The following WDR3 variants were observed in gnomAD, a reference collection of about 807,000 sequenced individuals.
WDR3 encodes WD repeat-containing protein 3.
In WDR3, 81 loss-of-function variants were observed where a neutral mutation model predicts 123.7. The ratio of observed to expected loss-of-function variants is 0.65; its 90% confidence interval spans 0.55 to 0.79. The LOEUF (loss-of-function observed/expected upper bound fraction) is 0.79, where lower values mean the gene tolerates loss of function less well. Among genes scored for constraint, WDR3 ranks in the 30% least tolerant of loss-of-function variants. The pLI, the probability that WDR3 is intolerant of heterozygous loss-of-function variation, is 0.00. For missense variants in WDR3, 1,027 were observed against 1,123.2 expected, an observed-to-expected ratio of 0.91 and a Z score of 1.22; for synonymous variants, 390 against 388.8, an observed-to-expected ratio of 1.00 and a Z score of -0.04.
rs781395374 is a variant in WDR3, at chr1:117,941,124, C to T, written c.790C>T (p.Arg264Ter). 14 of 1,613,886 alleles carry T rather than the reference C, an allele frequency of 8.7e-6. No individual in the cohort carries two copies. Among genetic ancestry groups the T allele is most frequent in the Non-Finnish European group, 1.2e-5 (14 of 1,179,978 alleles). ...AFETDEAPED[R>*]ILSCRKAGSI... is the part of the protein sequence containing the mutation. ...TCATCTGCTCTTGCTTCTTCTGTAG[C>T]GAATCCTTTCATGCAGAAAAGCTGG... The change falls in exon 8 of 27, where the codon CGA becomes TGA. Residue 264 changes from arginine to a stop codon, truncating the protein, a stop_gained and splice_region_variant. Coordinates refer to ENST00000349139, the MANE Select transcript of WDR3 (RefSeq NM_006784.3). LOFTEE classifies it high-confidence loss of function.
chr1:117,941,125 G>T lies in WDR3; in HGVS notation c.791G>T (p.Arg264Leu). Reference protein sequence around the residue: ...AFETDEAPEDRILSCRKAGSI... With the variant: ...AFETDEAPEDLILSCRKAGSI... Reference sequence around the variant, plus strand: ...CATCTGCTCTTGCTTCTTCTGTAGCGAATCCTTTCATGCAGAAAAGCTGGT... The same window carrying T: ...CATCTGCTCTTGCTTCTTCTGTAGCTAATCCTTTCATGCAGAAAAGCTGGT... The change falls in exon 8 of 27, where the codon CGA becomes CTA. Residue 264 changes from arginine (R) to leucine (L), a missense_variant and splice_region_variant. By Grantham distance (102) the Arg-to-Leu change is moderately radical (BLOSUM62 -2). Transcript: ENST00000349139. The T allele has an allele frequency of 6.2e-7, 1 of 1,613,998 alleles. No individual in the cohort carries two copies. The highest frequency in any genetic ancestry group is 1.1e-5 in the South Asian group (1 of 91,042).
chr1:117,960,134 GTGTGTGTGTGTGTA>G lies in WDR3; in HGVS notation c.*693_*706del, dbSNP rs949916307. On this transcript the variant is annotated 3_prime_UTR_variant, in exon 27 of 27. Transcript: ENST00000349139. ...CGTGTGTGTGTGTGTGTGTGTGTGT[GTGTGTGTGTGTGTA>G]TGTGTATGTGTATGTACACATACAT... The G allele has an allele frequency of 6.0e-5, 9 of 149,518 alleles. No homozygotes were observed. The highest frequency in any genetic ancestry group is 1.5e-4 in the African/African-American group (6 of 39,180). 9.3% of individuals were successfully genotyped at this position (149,518 alleles called of 1,614,324 possible).
At chr1:117,933,596 C>G (rs769879885) in intron 2 of WDR3, 106 bp downstream of exon 2, 5 of 1,457,322 alleles carry the variant, frequency 3.4e-6, no homozygotes, top group African/African-American at 1.5e-5. Flanking sequence ...TTTTTTGTGT[C>G]TGTGCCCTTA....
Position 117,940,892 on chromosome 1 carries a change from T to A in WDR3, c.741T>A (p.Thr247=), listed in dbSNP as rs1280975091. The stretch of plus-strand genomic sequence containing the variant: ...GATCTTCTCCTGGAATACAAGATAC[T>A]CTTGAGGCAGAGGATGGTGCCTTTG... ...IKGSSPGIQD[T]LEAEDGAFET... is the part of the protein sequence containing the mutation. The change falls in exon 7 of 27, where the codon ACT becomes ACA. Residue 247 remains threonine, a synonymous_variant. Transcript: ENST00000349139. 2 of 1,614,050 alleles carry A rather than the reference T, an allele frequency of 1.2e-6. No individual in the cohort carries two copies. The highest frequency in any genetic ancestry group is 2.2e-5 in the South Asian group (2 of 91,032).
At chr1:117,934,769 TA>T (rs1306076966) in intron 3 of WDR3, 87 bp downstream of exon 3, 1 of 1,359,230 alleles carries the variant, frequency 7.4e-7, no homozygotes, top group East Asian at 2.4e-5. Context: ...AATTGTCAGG[TA>T]AAACAATGGG....
intron 26 of WDR3, 42 bp from the exon 27 acceptor site, chr1:117,959,250 A>G: frequency 4.4e-6 from 7 of 1,591,374 alleles, no homozygotes; most frequent in Non-Finnish European, 5.1e-6. Flanking sequence ...AATGAATTGA[A>G]GTGGGAGAAA....
At chr1:117,933,636 C>A in intron 2 of WDR3, 146 bp downstream of exon 2, 3 of 1,011,930 alleles carry the variant, frequency 3.0e-6, no homozygotes, top group Non-Finnish European at 4.5e-6. Context: ...TTAGGTCTAG[C>A]TAGCCAAGCA....
intron 3 of WDR3, among the ~76,000 whole-genome samples, chr1:117,935,901 C>T (rs1282071914): frequency 6.6e-6 from 1 of 151,816 alleles, no homozygotes; most frequent in Non-Finnish European, 1.5e-5. Context: ...TAGTATCATT[C>T]ATCTATTAAT....
At position 117,929,777 on chromosome 1, in the gene WDR3, G is replaced by C. The variant is rs1315352045; in HGVS notation, c.-38G>C. The C allele has an allele frequency of 6.6e-6, 1 of 152,454 alleles. No individual in the cohort carries two copies. Among genetic ancestry groups the C allele is most frequent in the African/African-American group, 2.4e-5 (1 of 41,472 alleles). 9.4% of individuals were successfully genotyped at this position (152,454 alleles called of 1,614,324 possible). ...CCAATCGGCTGGGAGCCTCGTGGAG[G>C]CTGAGGTGAGTCCTGGAGGTGCGTG... On this transcript the variant is annotated 5_prime_UTR_variant, in exon 1 of 27. Coordinates refer to ENST00000349139, the MANE Select transcript of WDR3 (RefSeq NM_006784.3).
intron 4 of WDR3, among the ~76,000 whole-genome samples, chr1:117,937,276 C>T (rs1424370236): frequency 6.6e-6 from 1 of 152,100 alleles, no homozygotes; most frequent in Admixed American, 6.6e-5. Context: ...ATGTACTGTA[C>T]TTCATAGGCC....
At position 117,952,318 on chromosome 1, in the gene WDR3, A is replaced by G. The variant is rs964142298; in HGVS notation, c.1926A>G (p.Val642=). ...TCAGTGTGATGTACCTACAGTTTGT[A>G]CCCAAGTCTCACCTCTTCTTCACTG... The part of the protein sequence containing the change: ...HDDSVMYLQF[V]PKSHLFFTAG... Residue 642 remains valine, a synonymous_variant, in exon 18 of 27, where the codon GTA becomes GTG. Transcript: ENST00000349139. 6 of 1,612,368 alleles carry G rather than the reference A, an allele frequency of 3.7e-6. No individual in the cohort carries two copies. In the Admixed American group the frequency reaches 8.4e-5, roughly 22 times the overall value.
Position 117,952,332 on chromosome 1 carries a change from T to G in WDR3, c.1940T>G (p.Leu647Arg), listed in dbSNP as rs766628341. ...MYLQFVPKSH[L>R]FFTAGKDHKI... ...CTACAGTTTGTACCCAAGTCTCACC[T>G]CTTCTTCACTGCCGGAAAAGATCAT... The change falls in exon 18 of 27, where the codon CTC becomes CGC. Residue 647 changes from leucine to arginine, a missense_variant. Coordinates refer to ENST00000349139, the MANE Select transcript of WDR3 (RefSeq NM_006784.3). 3.1e-6 allele frequency: 5 copies of G among 1,613,310 alleles called. No individual in the cohort carries two copies. The highest frequency in any genetic ancestry group is 4.2e-6 in the Non-Finnish European group (5 of 1,179,486).
In WDR3 at chr1:117,952,337, T is replaced by G; in HGVS notation, c.1945T>G (p.Phe649Val). The G allele has an allele frequency of 6.2e-7, 1 of 1,613,416 alleles. No homozygotes were observed. The highest frequency in any genetic ancestry group is 1.3e-5 in the African/African-American group (1 of 75,016). ...LQFVPKSHLF[F>V]TAGKDHKIKQ... ...GTTTGTACCCAAGTCTCACCTCTTCTTCACTGCCGGAAAAGATCATAAGAT... is the reference window on the plus strand; with the variant it reads ...GTTTGTACCCAAGTCTCACCTCTTCGTCACTGCCGGAAAAGATCATAAGAT... Residue 649 changes from phenylalanine to valine, a missense_variant, in exon 18 of 27, where the codon TTC becomes GTC. Transcript: ENST00000349139.
chr1:117,954,554 G>C, intron 22 of WDR3, 26 bp from the exon 23 acceptor site: 1 of 1,608,744 alleles, frequency 6.2e-7, no homozygotes. Context: ...TTTTTTTAAT[G>C]ACTTGATTTA....
intron 12 of WDR3, among the ~76,000 whole-genome samples, chr1:117,946,707 C>T (rs1278522947): frequency 2.0e-5 from 3 of 151,722 alleles, no homozygotes; most frequent in Non-Finnish European, 4.4e-5. Flanking sequence ...TTTGGGAGGC[C>T]GAGGCAGGCG....
chr1:117,930,218 C>T (rs1271652686), intron 1 of WDR3, among the ~76,000 whole-genome samples: 1 of 152,014 alleles, frequency 6.6e-6, no homozygotes, highest in Non-Finnish European at 1.5e-5. Flanking sequence ...AAGGTTTGGT[C>T]GTGAACTGTC....
At chr1:117,938,411 G>A (rs1651017365) in intron 4 of WDR3, 69 bp from the exon 5 acceptor site, 2 of 1,253,180 alleles carry the variant, frequency 1.6e-6, no homozygotes, top group Non-Finnish European at 1.1e-6. Context: ...AGTGAGTTTT[G>A]GATCTCCCTA....
In WDR3 at chr1:117,964,057, ACTGT is replaced by A; in HGVS notation, c.*4613_*4616del. On this transcript the variant is annotated 3_prime_UTR_variant, in exon 27 of 27. Coordinates refer to ENST00000349139, the MANE Select transcript of WDR3 (RefSeq NM_006784.3). Reference sequence around the variant, plus strand: ...GGCAACATCAGTTCAATTTTAGGTAACTGTCTATCCAATGCAAATTCTGCATGCT... The same window carrying A: ...GGCAACATCAGTTCAATTTTAGGTAACTATCCAATGCAAATTCTGCATGCT... 1.7e-6 allele frequency: 2 copies of A among 1,179,630 alleles called. No homozygotes were observed. Among genetic ancestry groups the A allele is most frequent in the Non-Finnish European group, 2.4e-6 (2 of 835,716 alleles). The allele number at this position is 1,179,630 out of a possible 1,614,324, so 73.1% of individuals were successfully genotyped here.
chr1:117,934,671 T>C lies in WDR3; in HGVS notation c.370T>C (p.Ser124Pro). The change falls in exon 3 of 27, where the codon TCT (serine) becomes CCT (proline). Residue 124 changes from serine to proline, a missense_variant. Physicochemically the swap from Ser to Pro is moderately conservative, Grantham distance 74 (BLOSUM62 -1). Transcript: ENST00000349139. ...KYDQLGGRLA[S>P]GSKDTDIIVW... is the part of the protein sequence containing the mutation. ...TGATCAGCTAGGAGGCAGACTGGCA[T>C]CTGGGTCCAAGGTGAGCCTTTGAAT... The C allele has an allele frequency of 6.2e-7, 1 of 1,613,258 alleles. No homozygotes were observed. The highest frequency in any genetic ancestry group is 1.1e-5 in the South Asian group (1 of 90,998).
Sources: gnomAD v4.1 joint callset for allele counts (sites outside exome capture counted in the v4.1 genomes callset) on GRCh38, gnomAD v4.1.1 for gene constraint, MANE v1.5 for transcripts, NCBI Gene and HGNC (gene_info 2026-07-23, HGNC 2026-07-21) for gene names.